SLC7A6: variants seen among roughly 807,000 people sequenced by gnomAD.
SLC7A6 encodes solute carrier family 7 member 6, also known as Y+L amino acid transporter 2.
In SLC7A6, 29 loss-of-function variants were observed where a neutral mutation model predicts 46.6. The ratio of observed to expected loss-of-function variants is 0.62; its 90% CI spans 0.46 to 0.85. SLC7A6 has a LOEUF of 0.85. SLC7A6 is among the 40% of genes least tolerant of loss of function. The pLI is 0.00. For synonymous variants in SLC7A6, 276 were observed against 257.3 expected (o/e 1.07, Z -0.70); for missense variants, 527 against 647.6 (o/e 0.81, Z 2.02).
At position 68,296,612 on chromosome 16, in the gene SLC7A6, C is replaced by G; in HGVS notation, c.1270-15C>G. The G allele has an allele frequency of 1.2e-6, 2 of 1,614,064 alleles. No homozygotes were observed. The highest frequency in any genetic ancestry group is 1.7e-6 in the Non-Finnish European group (2 of 1,179,956). On this transcript the variant is annotated splice_polypyrimidine_tract_variant and intron_variant, in intron 9 of 10. Coordinates refer to ENST00000219343, the MANE Select transcript of SLC7A6 (RefSeq NM_003983.6). Reference sequence around the variant, plus strand: ...TCTTCCCACGTTACTTAATCTCTCACCCCCTCTATTTCAGCTGAGCGTGTT... The same window carrying G: ...TCTTCCCACGTTACTTAATCTCTCAGCCCCTCTATTTCAGCTGAGCGTGTT...
chr16:68,287,600 C>T (rs1264092372), intron 3 of SLC7A6, 146 bp from the exon 4 acceptor site: 69 of 1,500,360 alleles, frequency 4.6e-5, no homozygotes, highest in South Asian at 3.7e-4. Context: ...GGTGTCCCCT[C>T]GCTTGCCAGT....
chr16:68,277,550 AT>A (rs1360089316), intron 3 of SLC7A6, among the ~76,000 whole-genome samples: 1 of 151,812 alleles, frequency 6.6e-6, no homozygotes, highest in Non-Finnish European at 1.5e-5. Flanking sequence ...TGACCTCGTG[AT>A]CCGCCCGCCT....
At chr16:68,287,584 G>T in intron 3 of SLC7A6, 162 bp from the exon 4 acceptor site, 1 of 1,484,388 alleles carries the variant, frequency 6.7e-7, no homozygotes, top group Non-Finnish European at 8.9e-7. Context: ...GCTGGGGCGG[G>T]TGCAGGGTGT....
At chr16:68,285,810 C>G (rs1044015910) in intron 3 of SLC7A6, among the ~76,000 whole-genome samples, 5 of 151,960 alleles carry the variant, frequency 3.3e-5, no homozygotes, top group African/African-American at 1.2e-4. Flanking sequence ...AAGAAAACAA[C>G]GTGGCCAGGC....
chr16:68,279,582 A>T (rs182075574), intron 3 of SLC7A6, among the ~76,000 whole-genome samples: 184 of 152,296 alleles, frequency 1.2e-3, no homozygotes, highest in Middle Eastern at 3.4e-3. Flanking sequence ...TTTGTTGCCC[A>T]GGCTGGAGGG....
At chr16:68,286,433 G>GTT (rs2042935554) in intron 3 of SLC7A6, among the ~76,000 whole-genome samples, 1 of 152,174 alleles carries the variant, frequency 6.6e-6, no homozygotes, top group African/African-American at 2.4e-5. Context: ...TTATGTGTGT[G>GTT]TACGGTACGA....
intron 2 of SLC7A6, among the ~76,000 whole-genome samples, 199 bp downstream of exon 2, chr16:68,266,920 G>C (rs1323339242): frequency 6.6e-6 from 1 of 151,706 alleles, no homozygotes; most frequent in Non-Finnish European, 1.5e-5. Context: ...TCTTTATAAA[G>C]AGTAATTGTG....
intron 2 of SLC7A6, among the ~76,000 whole-genome samples, chr16:68,268,643 A>G (rs1218714596): frequency 1.3e-5 from 2 of 152,194 alleles, no homozygotes; most frequent in Non-Finnish European, 2.9e-5. Context: ...TTCATGGGGA[A>G]ATTTTGGTAG....
Position 68,296,506 on chromosome 16 carries a change from C to A in SLC7A6, c.1262C>A (p.Pro421His), listed in dbSNP as rs761009199. Reference sequence around the variant, plus strand: ...TGGAAGGAGCCCAAGCGGCCCCGGCCTCTCAAGGTCAGCAGCTCTGGCCAG... The same window carrying A: ...TGGAAGGAGCCCAAGCGGCCCCGGCATCTCAAGGTCAGCAGCTCTGGCCAG... ...LRWKEPKRPRPLKLSVFFPIV... is the reference protein window; with the variant it reads ...LRWKEPKRPRHLKLSVFFPIV... The change falls in exon 9 of 11, where the codon CCT (proline) becomes CAT (histidine). Residue 421 changes from proline to histidine, a missense_variant. Pro to His is a moderately conservative substitution (Grantham distance 77, BLOSUM62 -2). Coordinates refer to ENST00000219343, the MANE Select transcript of SLC7A6 (RefSeq NM_003983.6). The A allele has an allele frequency of 6.2e-7, 1 of 1,614,192 alleles. No homozygotes were observed. Among genetic ancestry groups the A allele is most frequent in the Admixed American group, 1.7e-5 (1 of 60,032 alleles).
At chr16:68,281,136 T>C (rs2042822621) in intron 3 of SLC7A6, among the ~76,000 whole-genome samples, 1 of 152,206 alleles carries the variant, frequency 6.6e-6, no homozygotes, top group African/African-American at 2.4e-5. Flanking sequence ...CTCATATTAC[T>C]TTCCTGGCCT....
chr16:68,284,024 G>C (rs1388338716), intron 3 of SLC7A6, among the ~76,000 whole-genome samples: 1 of 152,010 alleles, frequency 6.6e-6, no homozygotes, highest in East Asian at 1.9e-4. Context: ...GGAGCTCTCT[G>C]TTCTCTGGCA....
rs1340723892 is a variant in SLC7A6 at position 68,266,610 on chromosome 16, C to A, written c.-148C>A. 1.3e-5 allele frequency: 2 copies of A among 152,138 alleles called. No individual in the cohort carries two copies. Among genetic ancestry groups the A allele is most frequent in the Admixed American group, 6.5e-5 (1 of 15,272 alleles). The allele number at this position is 152,138 out of a possible 1,614,324, so 9.4% of individuals were successfully genotyped here. On this transcript the variant is annotated 5_prime_UTR_variant, in exon 2 of 11. Transcript: ENST00000219343. ...TGTTGCAGAGTTTATGTGGCCGAGG[C>A]AGACAAGTGGAATTAGGCCTTGCTG...
chr16:68,286,748 G>T (rs1026901940), intron 3 of SLC7A6, among the ~76,000 whole-genome samples: 1 of 152,118 alleles, frequency 6.6e-6, no homozygotes, highest in African/African-American at 2.4e-5. Context: ...GTGAGCCTAG[G>T]GAGTACTCGA....
At chr16:68,289,837 C>T (rs557822547) in intron 4 of SLC7A6, among the ~76,000 whole-genome samples, 5 of 152,214 alleles carry the variant, frequency 3.3e-5, no homozygotes, top group South Asian at 4.1e-4. Flanking sequence ...CCATAGCTAC[C>T]GCAAGTAGAG....
chr16:68,265,333 C>A (rs1312331295), intron 1 of SLC7A6, among the ~76,000 whole-genome samples: 1 of 152,106 alleles, frequency 6.6e-6, no homozygotes, highest in Non-Finnish European at 1.5e-5. Flanking sequence ...TCTGAAAATT[C>A]TTTGCTGGGC....
chr16:68,287,802 A>G lies in SLC7A6; in HGVS notation c.580A>G (p.Thr194Ala), dbSNP rs773604788. ...YVKWGTRVQD[T>A]FTYAKVVALI... ...CAAGTGGGGCACACGTGTGCAGGAC[A>G]CGTTCACTTACGCCAAGGTCGTAGC... Residue 194 changes from threonine to alanine, a missense_variant, in exon 4 of 11, where the codon ACG becomes GCG. By Grantham distance (58) the Thr-to-Ala change is moderately conservative. Coordinates refer to ENST00000219343, the MANE Select transcript of SLC7A6 (RefSeq NM_003983.6). 2 of 1,614,210 alleles carry G rather than the reference A, an allele frequency of 1.2e-6. No homozygotes were observed. The highest frequency in any genetic ancestry group is 1.7e-6 in the Non-Finnish European group (2 of 1,180,026).
chr16:68,294,092 C>A (rs1461292070), intron 7 of SLC7A6, among the ~76,000 whole-genome samples: 4 of 152,142 alleles, frequency 2.6e-5, no homozygotes, highest in African/African-American at 9.7e-5. Flanking sequence ...CAGGGTTTAT[C>A]CATGTTGGTC....
chr16:68,280,073 A>G (rs2042800650), intron 3 of SLC7A6, among the ~76,000 whole-genome samples: 1 of 152,232 alleles, frequency 6.6e-6, no homozygotes, highest in African/African-American at 2.4e-5. Context: ...CAGGCTTTCA[A>G]CAGAGCTAGG....
intron 4 of SLC7A6, 151 bp downstream of exon 4, chr16:68,288,022 G>T: frequency 8.1e-7 from 1 of 1,241,758 alleles, no homozygotes; most frequent in South Asian, 1.6e-5. Context: ...TTTCTTTCTG[G>T]GCTTTTTGGG....
Sources: allele counts gnomAD v4.1 joint callset (sites outside exome capture counted in the v4.1 genomes callset), GRCh38; gene constraint gnomAD v4.1.1; transcripts MANE v1.5; gene names NCBI Gene and HGNC (gene_info 2026-07-23, HGNC 2026-07-21).